The following MTMR6 variants were observed in gnomAD, a reference collection of about 807,000 sequenced individuals.
MTMR6 encodes the protein myotubularin related protein 6, also known as phosphatidylinositol-3,5-bisphosphate 3-phosphatase MTMR6.
In MTMR6, 47 loss-of-function variants were observed where a neutral mutation model predicts 80.1. The observed-to-expected ratio is 0.59, with a 90% CI of 0.46 to 0.75. The LOEUF (loss-of-function observed/expected upper bound fraction) is 0.75. MTMR6 is among the 30% of genes least tolerant of loss of function. The probability of loss-of-function intolerance (pLI) is 0.00; values close to 1 mark genes in which losing one functional copy is unlikely to be tolerated. For missense variants in MTMR6, 629 were observed against 730.9 expected (o/e 0.86, Z 1.61); for synonymous variants, 254 against 253.0 (o/e 1.00, Z -0.04).
rs1362166363 is a variant in MTMR6, at chr13:25,287,468, G to T, written c.-221C>A. On this transcript the variant is annotated 5_prime_UTR_variant, in exon 1 of 14. Coordinates refer to ENST00000381801, the MANE Select transcript of MTMR6 (RefSeq NM_004685.5). ...CCCGCGGCCTCCCGGGGGACTCGGGGCAGGCAGACAGAGCGTGTGTGGACC... is the reference window on the plus strand; with the variant it reads ...CCCGCGGCCTCCCGGGGGACTCGGGTCAGGCAGACAGAGCGTGTGTGGACC... The T allele has an allele frequency of 1.7e-6, 1 of 602,220 alleles. No homozygotes were observed. Among genetic ancestry groups the T allele is most frequent in the South Asian group, 1.9e-5 (1 of 53,680 alleles). 37.3% of individuals were successfully genotyped at this position (602,220 alleles called of 1,614,324 possible).
chr13:25,258,263 C>T (rs193179662), intron 7 of MTMR6, among the ~76,000 whole-genome samples: 8 of 152,150 alleles, frequency 5.3e-5, no homozygotes, highest in Admixed American at 2.0e-4. Flanking sequence ...TAACCAAATA[C>T]GGCTACTAAA....
chr13:25,262,961 T>C (rs1267978240), intron 5 of MTMR6, among the ~76,000 whole-genome samples: 2 of 152,194 alleles, frequency 1.3e-5, no homozygotes, highest in Non-Finnish European at 2.9e-5. Context: ...CCATTTAACC[T>C]CTCTGTGATT....
Position 25,251,967 on chromosome 13 carries a change from T to C in MTMR6, c.1364A>G (p.Tyr455Cys). Reference protein sequence around the residue: ...REELKLKEKTYSLWPFLLEDQ... With the variant: ...REELKLKEKTCSLWPFLLEDQ... ...TTCCAAAAGAAATGGCCACAGGGAATAAGTCTTCTCCTTCAACCTTAATAT... is the reference window on the plus strand; with the variant it reads ...TTCCAAAAGAAATGGCCACAGGGAACAAGTCTTCTCCTTCAACCTTAATAT... The change falls in exon 12 of 14, where the codon TAT (tyrosine) becomes TGT (cysteine). Residue 455 changes from tyrosine to cysteine, a missense_variant. Physicochemically the swap from Tyr to Cys is radical, Grantham distance 194. Transcript: ENST00000381801. The surrounding 1 kb of genome is among the most constrained non-coding windows in gnomAD (Gnocchi z 4.1). 1 of 1,611,830 alleles carries C rather than the reference T, an allele frequency of 6.2e-7. No homozygotes were observed. The highest frequency in any genetic ancestry group is 1.3e-5 in the African/African-American group (1 of 74,952).
chr13:25,267,296 A>G (rs1212997816), intron 3 of MTMR6, among the ~76,000 whole-genome samples: 1 of 151,490 alleles, frequency 6.6e-6, no homozygotes, highest in Admixed American at 6.6e-5. Context: ...ATCCCTCTCA[A>G]CCTTACTTCT....
chr13:25,279,583 A>G (rs1957800640), intron 1 of MTMR6, among the ~76,000 whole-genome samples: 1 of 152,228 alleles, frequency 6.6e-6, no homozygotes. Flanking sequence ...AATCTAGTCA[A>G]GTAGGTAGAG....
At chr13:25,280,566 T>A (rs1004083228) in intron 1 of MTMR6, among the ~76,000 whole-genome samples, 1 of 152,206 alleles carries the variant, frequency 6.6e-6, no homozygotes, top group Admixed American at 6.5e-5. Context: ...CTTCTTTATA[T>A]TTCCCCCTTT....
intron 5 of MTMR6, among the ~76,000 whole-genome samples, chr13:25,263,659 G>A (rs542031884): frequency 9.2e-5 from 14 of 152,318 alleles, no homozygotes; most frequent in African/African-American, 3.1e-4. Context: ...GGCCGAGGCC[G>A]GTGGATCACC....
Position 25,257,179 on chromosome 13 carries a change from A to G in MTMR6, c.1095+17T>C, listed in dbSNP as rs780622776. 4 of 1,609,862 alleles carry G rather than the reference A, an allele frequency of 2.5e-6. No homozygotes were observed. Among genetic ancestry groups the G allele is most frequent in the Non-Finnish European group, 3.4e-6 (4 of 1,177,786 alleles). On this transcript the variant is annotated intron_variant, in intron 9 of 13. Transcript: ENST00000381801. ...CTCCTACTTAAGAACCATTGGTCTAACCAAATAAATCCTTACCATGAATCC... is the reference window on the plus strand; with the variant it reads ...CTCCTACTTAAGAACCATTGGTCTAGCCAAATAAATCCTTACCATGAATCC...
chr13:25,260,543 C>G (rs1357381645), intron 6 of MTMR6: 2 of 1,135,360 alleles, frequency 1.8e-6, no homozygotes, highest in Non-Finnish European at 2.3e-6. Context: ...ACAAAGCTGC[C>G]TAAAAACCAC....
At chr13:25,268,017 G>C (rs1957495280) in intron 2 of MTMR6, 76 bp from the exon 3 acceptor site, 1 of 1,391,794 alleles carries the variant, frequency 7.2e-7, no homozygotes, top group Non-Finnish European at 9.6e-7. Flanking sequence ...ATAAGTTTAA[G>C]AATGTCTTCC....
chr13:25,273,018 A>G (rs1957616256), intron 2 of MTMR6, among the ~76,000 whole-genome samples: 1 of 152,210 alleles, frequency 6.6e-6, no homozygotes. Flanking sequence ...AATAAAAGAC[A>G]AACAACCCAA....
rs1370944199 is a variant in MTMR6, at chr13:25,249,644, A to T, written c.1606-152T>A. The T allele has an allele frequency of 9.1e-6, 7 of 772,126 alleles. No homozygotes were observed. The Admixed American group carries it at 2.1e-4, about 23-fold the overall frequency. 47.8% of individuals were successfully genotyped at this position (772,126 alleles called of 1,614,324 possible). ...AGTAGAAACATTTAATGCATATGAC[A>T]TGGTTGAAAATCCTAATTGTGTACA... On this transcript the variant is annotated intron_variant, in intron 13 of 13. Coordinates refer to ENST00000381801, the MANE Select transcript of MTMR6 (RefSeq NM_004685.5).
In MTMR6 at chr13:25,263,547, C is replaced by T. The variant is rs373018282; in HGVS notation, c.592-1745G>A. Reference sequence around the variant, plus strand: ...GCCAGACTTACTATACACATTGGGACCAAAATTAGAGGTTTGTTCTTTAAG... The same window carrying T: ...GCCAGACTTACTATACACATTGGGATCAAAATTAGAGGTTTGTTCTTTAAG... On this transcript the variant is annotated intron_variant, in intron 5 of 13. Coordinates refer to ENST00000381801, the MANE Select transcript of MTMR6 (RefSeq NM_004685.5). Among the ~76,000 whole-genome samples the T allele has an allele frequency of 3.3e-5, 5 of 152,264 alleles. No homozygotes were observed. The South Asian group carries it at 8.3e-4, about 25-fold the overall frequency.
intron 9 of MTMR6, among the ~76,000 whole-genome samples, chr13:25,256,238 G>A (rs1957205436): frequency 6.6e-6 from 1 of 152,164 alleles, no homozygotes; most frequent in South Asian, 2.1e-4. Context: ...TATTGCCTGG[G>A]AAGCTCTCAC....
At chr13:25,274,671 C>T (rs960569114) in intron 1 of MTMR6, among the ~76,000 whole-genome samples, 1 of 151,876 alleles carries the variant, frequency 6.6e-6, no homozygotes, top group African/African-American at 2.4e-5. Context: ...GTTTTTTGTC[C>T]ACCTCTGGGC....
At chr13:25,254,864 T>C (rs1957163525) in intron 9 of MTMR6, among the ~76,000 whole-genome samples, 3 of 152,122 alleles carry the variant, frequency 2.0e-5, no homozygotes, top group African/African-American at 7.2e-5. Context: ...ACATTTTTTA[T>C]ATTATTTATA....
chr13:25,280,594 T>C (rs1288858927), intron 1 of MTMR6, among the ~76,000 whole-genome samples: 1 of 152,188 alleles, frequency 6.6e-6, no homozygotes, highest in Admixed American at 6.5e-5. Flanking sequence ...GAACTAAAAG[T>C]ATTTTACAGA....
chr13:25,249,023 T>G lies in MTMR6; in HGVS notation c.*209A>C. On this transcript the variant is annotated 3_prime_UTR_variant, in exon 14 of 14. Transcript: ENST00000381801. ...AATACATCAAATACCACTCATTTCTTACAGAACTGAATGTCATTCCTTGCT... is the reference window on the plus strand; with the variant it reads ...AATACATCAAATACCACTCATTTCTGACAGAACTGAATGTCATTCCTTGCT... The G allele has an allele frequency of 1.8e-6, 1 of 568,598 alleles. No individual in the cohort carries two copies. Among genetic ancestry groups the G allele is most frequent in the Non-Finnish European group, 3.0e-6 (1 of 328,640 alleles). 35.2% of individuals were successfully genotyped at this position (568,598 alleles called of 1,614,324 possible). A position where few individuals can be genotyped will look rare whatever the true frequency, so the allele number is the denominator to read the frequency against.
Position 25,248,937 on chromosome 13 carries a change from G to A in MTMR6, c.*295C>T. On this transcript the variant is annotated 3_prime_UTR_variant, in exon 14 of 14. Coordinates refer to ENST00000381801, the MANE Select transcript of MTMR6 (RefSeq NM_004685.5). ...TAAGGAAGGTTATTTATGTTTGGCT[G>A]AATTAACATAAATCATAAACGTCAA... The A allele has an allele frequency of 1.5e-5, 4 of 268,884 alleles. No homozygotes were observed. Among genetic ancestry groups the A allele is most frequent in the Non-Finnish European group, 2.8e-5 (4 of 143,410 alleles). The allele number at this position is 268,884 out of a possible 1,614,324, so 16.7% of individuals were successfully genotyped here.
Sources: allele counts gnomAD v4.1 joint callset (sites outside exome capture counted in the v4.1 genomes callset), GRCh38; gene constraint gnomAD v4.1.1; non-coding constraint Gnocchi (gnomAD v3.1); transcripts MANE v1.5; gene names NCBI Gene and HGNC (gene_info 2026-07-23, HGNC 2026-07-21).